ULK4: variants seen among roughly 807,000 people sequenced by gnomAD.
ULK4 encodes the protein inactive serine/threonine-protein kinase ULK4.
A neutral mutation model predicts 160.6 loss-of-function variants in ULK4; 133 were observed. The ratio of observed to expected loss-of-function variants is 0.83; its 90% CI spans 0.72 to 0.96. The LOEUF is 0.96. Ranked by LOEUF, ULK4 falls within the 40% of genes least tolerant of loss-of-function variation. ULK4 has a pLI of 0.00. For synonymous variants in ULK4, 534 were observed against 539.8 expected, an observed-to-expected ratio of 0.99 and a Z score of 0.15; for missense variants, 1,580 against 1,499.5, an observed-to-expected ratio of 1.05 and a Z score of -0.89.
intron 31 of ULK4, among the ~76,000 whole-genome samples, chr3:41,590,177 T>C (rs556201038): frequency 6.6e-6 from 1 of 151,974 alleles, no homozygotes; most frequent in South Asian, 2.1e-4. Context: ...TAATTTTTTG[T>C]ATTTTTAGTA....
At position 41,361,941 on chromosome 3, in the gene ULK4, A is replaced by G. The variant is rs533170924; in HGVS notation, c.3678+36138T>C. ...TACTTGATGTTCTGCTGTTTATAAT[A>G]TCATGTGGGTCACTGTATTTTCAGA... On this transcript the variant is annotated intron_variant, in intron 35 of 36. Coordinates refer to ENST00000301831, the MANE Select transcript of ULK4 (RefSeq NM_017886.4). Among the ~76,000 whole-genome samples the G allele has an allele frequency of 5.0e-4, 76 of 152,332 alleles. 1 individual carries two copies. The highest frequency in any genetic ancestry group is 1.8e-3 in the African/African-American group (75 of 41,586).
At chr3:41,730,354 C>T (rs1326903249) in intron 22 of ULK4, among the ~76,000 whole-genome samples, 2 of 151,860 alleles carry the variant, frequency 1.3e-5, no homozygotes, top group Non-Finnish European at 1.5e-5. Context: ...AAATAGAGTT[C>T]GTTCTTTGAA....
chr3:41,664,460 C>G (rs150198013), intron 29 of ULK4, among the ~76,000 whole-genome samples: 1 of 152,098 alleles, frequency 6.6e-6, no homozygotes, highest in East Asian at 1.9e-4. Flanking sequence ...AAATGCAGCA[C>G]GTGTGTGTGA....
At chr3:41,350,541 C>T (rs2080889199) in intron 35 of ULK4, among the ~76,000 whole-genome samples, 1 of 152,162 alleles carries the variant, frequency 6.6e-6, no homozygotes, top group South Asian at 2.1e-4. Context: ...TACTGTTTGA[C>T]AGCCAGGAGT....
intron 17 of ULK4, among the ~76,000 whole-genome samples, chr3:41,856,564 C>CTGTATGT (rs2042355682): frequency 1.4e-5 from 1 of 69,034 alleles, no homozygotes; most frequent in Non-Finnish European, 2.6e-5. Flanking sequence ...TATATATACA[C>CTGTATGT]ATATATATAT....
chr3:41,870,771 C>T (rs1168158416), intron 17 of ULK4, among the ~76,000 whole-genome samples: 1 of 152,150 alleles, frequency 6.6e-6, no homozygotes, highest in African/African-American at 2.4e-5. Flanking sequence ...CTCATACAAT[C>T]CTTATGCACT....
chr3:41,531,531 AAAAG>A lies in ULK4; in HGVS notation c.3226+34490_3226+34493del, dbSNP rs201871665. 9.4e-3 allele frequency among the ~76,000 whole-genome samples: 1,425 copies of A among 151,928 alleles called. 5 individuals are homozygous for A. The highest frequency in any genetic ancestry group is 0.015 in the Non-Finnish European group (998 of 67,934). On this transcript the variant is annotated intron_variant, in intron 32 of 36. Transcript: ENST00000301831. ...AGAAAAGAAAAAGAAAAAGAAAAAA[AAAAG>A]AAATAAACATCCTTCTCATCAACAG...
At chr3:41,902,760 AG>A in intron 12 of ULK4, among the ~76,000 whole-genome samples, 1 of 152,200 alleles carries the variant, frequency 6.6e-6, no homozygotes, top group Non-Finnish European at 1.5e-5. Context: ...AAAGGCAAAA[AG>A]ACAGGGGCAA....
intron 30 of ULK4, among the ~76,000 whole-genome samples, chr3:41,645,566 A>C (rs1192897498): frequency 1.3e-5 from 2 of 152,026 alleles, no homozygotes; most frequent in African/African-American, 4.8e-5. Context: ...ACAGTTTGTT[A>C]TAATTTCTGT....
chr3:41,258,393 T>G (rs1277119320), intron 35 of ULK4: 1 of 152,180 alleles, frequency 6.6e-6, no homozygotes, highest in African/African-American at 2.4e-5. Context: ...AAGAGACTAT[T>G]GGTGAACTTA....
intron 17 of ULK4, among the ~76,000 whole-genome samples, chr3:41,876,423 A>G (rs1196068967): frequency 6.6e-6 from 1 of 152,206 alleles, no homozygotes; most frequent in Non-Finnish European, 1.5e-5. Context: ...GCCAACACCA[A>G]GTATTCATGA....
At chr3:41,476,987 A>C (rs1462974733) in intron 32 of ULK4, among the ~76,000 whole-genome samples, 4 of 152,192 alleles carry the variant, frequency 2.6e-5, no homozygotes, top group Admixed American at 2.0e-4. Context: ...CATGCCTGTT[A>C]TCTCTCTCAG....
intron 29 of ULK4, 130 bp from the exon 30 acceptor site, chr3:41,663,829 G>A: frequency 1.4e-6 from 1 of 696,602 alleles, no homozygotes; most frequent in Admixed American, 2.6e-5. Flanking sequence ...AAAGATTTAA[G>A]TAATTTACCT....
In ULK4 at chr3:41,906,526, C is replaced by G. The variant is rs368755676; in HGVS notation, c.1182+1319G>C. Among the ~76,000 whole-genome samples, 42 of 151,676 alleles carry G rather than the reference C, an allele frequency of 2.8e-4. 1 individual carries two copies. In the South Asian group the frequency reaches 8.3e-3, roughly 30 times the overall value. On this transcript the variant is annotated intron_variant, in intron 12 of 36. Coordinates refer to ENST00000301831, the MANE Select transcript of ULK4 (RefSeq NM_017886.4). ...CCTGGATGACAGAGTGAGACATTAA[C>G]TCAAAAACAAAAAGTTAAACAAGGA...
At chr3:41,340,966 C>T (rs1463951353) in intron 35 of ULK4, among the ~76,000 whole-genome samples, 1 of 152,096 alleles carries the variant, frequency 6.6e-6, no homozygotes, top group Non-Finnish European at 1.5e-5. Context: ...GCTGAGGAGA[C>T]GAACATATGT....
rs192332645 is a variant in ULK4 at position 41,764,997 on chromosome 3, G to A, written c.2194-10509C>T. ...GTTCAACCATTGTGGAAGCCAGTGT[G>A]GCGATTCCTCAGGGATCTAGAACTA... On this transcript the variant is annotated intron_variant, in intron 21 of 36. Transcript: ENST00000301831. Among the ~76,000 whole-genome samples the A allele has an allele frequency of 3.1e-3, 476 of 152,286 alleles. 1 individual carries two copies. The highest frequency in any genetic ancestry group is 0.011 in the African/African-American group (452 of 41,574).
At chr3:41,364,161 C>T (rs140444706) in intron 35 of ULK4, among the ~76,000 whole-genome samples, 71 of 152,310 alleles carry the variant, frequency 4.7e-4, no homozygotes, top group African/African-American at 1.7e-3. Context: ...TAGTCTTGAG[C>T]TCTTGGGCTC....
chr3:41,392,914 C>A lies in ULK4; in HGVS notation c.3678+5165G>T, dbSNP rs573743262. Among the ~76,000 whole-genome samples the A allele has an allele frequency of 3.8e-4, 58 of 152,222 alleles. 1 individual carries two copies. The South Asian group carries it at 0.012, about 31-fold the overall frequency. On this transcript the variant is annotated intron_variant, in intron 35 of 36. Coordinates refer to ENST00000301831, the MANE Select transcript of ULK4 (RefSeq NM_017886.4). ...GAGCCAAGCCTGAGAGTTGGGTCTC[C>A]CCAAAGTCACAGGAAACTTCTGCTC...
intron 35 of ULK4, among the ~76,000 whole-genome samples, chr3:41,308,711 A>C (rs1422737566): frequency 6.6e-6 from 1 of 152,186 alleles, no homozygotes; most frequent in Non-Finnish European, 1.5e-5. Flanking sequence ...CCAAAATCTG[A>C]AAGTTTTTGA....
Sources: allele counts gnomAD v4.1 joint callset (sites outside exome capture counted in the v4.1 genomes callset), GRCh38; gene constraint gnomAD v4.1.1; transcripts MANE v1.5; gene names NCBI Gene and HGNC (gene_info 2026-07-23, HGNC 2026-07-21).